DNAH10: variants seen among roughly 807,000 people sequenced by gnomAD.
The protein encoded by DNAH10 is axonemal beta dynein heavy chain 10.
DNAH10 carries 348 observed loss-of-function variants against 506.6 expected under a neutral mutation model. The observed-to-expected ratio is 0.69, with a 90% CI of 0.63 to 0.75. DNAH10 has a LOEUF of 0.75. Ranked by LOEUF, DNAH10 falls within the 30% of genes least tolerant of loss-of-function variation. DNAH10 has a pLI of 0.00. For synonymous variants in DNAH10, 2,059 were observed against 2,198.6 expected, an observed-to-expected ratio of 0.94 and a Z score of 1.78; for missense variants, 5,179 against 5,787.1, an observed-to-expected ratio of 0.89 and a Z score of 3.41.
chr12:123,784,161 T>C lies in DNAH10; in HGVS notation c.1214T>C (p.Val405Ala), dbSNP rs1957766837. 6.2e-7 allele frequency: 1 copy of C among 1,614,184 alleles called. No individual in the cohort carries two copies. The highest frequency in any genetic ancestry group is 1.1e-5 in the South Asian group (1 of 91,088). Residue 405 changes from valine (V) to alanine (A), a missense_variant, in exon 8 of 79, where the codon GTG (valine) becomes GCG (alanine). Val to Ala is a moderately conservative substitution (Grantham distance 64). This residue lies in a region of DNAH10 where 4,844 missense variants were observed against 5,430.5 expected (regional missense o/e 0.89). Transcript: ENST00000673944. ...ASDNVRFLST[V>A]ERYFKNITHG... ...GACAATGTGCGCTTTCTCTCCACCG[T>C]GGAGCGTTATTTCAAGGTATGCTGG...
chr12:123,893,349 G>C lies in DNAH10; in HGVS notation c.9112G>C (p.Val3038Leu). 1 of 1,614,046 alleles carries C rather than the reference G, an allele frequency of 6.2e-7. No homozygotes were observed. Among genetic ancestry groups the C allele is most frequent in the South Asian group, 1.1e-5 (1 of 91,088 alleles). ...PAKESVWQYF[V>L]NKSANNLHIV... ...CAAGGAGTCTGTGTGGCAGTACTTC[G>C]TGAACAAAAGTGCAAATAACCTGCA... The change falls in exon 53 of 79, where the codon GTG becomes CTG. Residue 3038 changes from valine to leucine, a missense_variant. Coordinates refer to ENST00000673944, the MANE Select transcript of DNAH10 (RefSeq NM_001372106.1).
intron 21 of DNAH10, among the ~76,000 whole-genome samples, chr12:123,818,246 C>G (rs926539433): frequency 5.9e-5 from 9 of 151,968 alleles, no homozygotes; most frequent in African/African-American, 2.2e-4. Flanking sequence ...TGCACCCAGC[C>G]TCTATCTCTT....
chr12:123,895,147 A>G (rs1490963756), intron 54 of DNAH10, among the ~76,000 whole-genome samples: 1 of 152,260 alleles, frequency 6.6e-6, no homozygotes, highest in Non-Finnish European at 1.5e-5. Context: ...CTTTGTAGAA[A>G]ACATGTGCTG....
intron 28 of DNAH10, among the ~76,000 whole-genome samples, chr12:123,837,757 A>AAT (rs1961326958): frequency 1.5e-5 from 2 of 135,232 alleles, no homozygotes; most frequent in African/African-American, 2.7e-5. Context: ...AAAAAAAAAA[A>AAT]TTTTTTTTTT....
At chr12:123,929,092 A>G in intron 70 of DNAH10, 183 bp from the exon 71 acceptor site, 1 of 638,422 alleles carries the variant, frequency 1.6e-6, no homozygotes, top group Non-Finnish European at 2.7e-6. Flanking sequence ...TGACCCTGAG[A>G]GCCAGAACAT....
rs1951096023 is a variant in DNAH10 at position 123,850,006 on chromosome 12, C to A, written c.6103-882C>A. Among the ~76,000 whole-genome samples the A allele has an allele frequency of 6.6e-6, 1 of 152,168 alleles. No homozygotes were observed. Among genetic ancestry groups the A allele is most frequent in the African/African-American group, 2.4e-5 (1 of 41,442 alleles). On this transcript the variant is annotated intron_variant, in intron 34 of 78. Coordinates refer to ENST00000673944, the MANE Select transcript of DNAH10 (RefSeq NM_001372106.1). The surrounding 1 kb of genome is among the most constrained non-coding windows in gnomAD (Gnocchi z 5.5). ...TGTGTTTCTCAGAGCCAGGAGGCAG[C>A]AGCTATCTGCTCTTCCCCCTGGGCC...
At chr12:123,906,004 G>A (rs1387989734) in intron 57 of DNAH10, among the ~76,000 whole-genome samples, 6 of 151,352 alleles carry the variant, frequency 4.0e-5, no homozygotes, top group Non-Finnish European at 8.8e-5. Context: ...TGCAACCTCC[G>A]CCTCCCGGGT....
At chr12:123,914,689 G>A (rs755372142) in intron 61 of DNAH10, 139 bp downstream of exon 61, 16 of 1,388,224 alleles carry the variant, frequency 1.2e-5, no homozygotes, top group Non-Finnish European at 1.4e-5. Flanking sequence ...GAAGTGGCCG[G>A]GCAAGCTGCA....
chr12:123,821,922 A>T (rs1217114392), intron 24 of DNAH10, among the ~76,000 whole-genome samples: 1 of 151,158 alleles, frequency 6.6e-6, no homozygotes, highest in Non-Finnish European at 1.5e-5. Context: ...ATACAAAAAA[A>T]AGTTCCGGGC....
intron 27 of DNAH10, 22 bp from the exon 28 acceptor site, chr12:123,835,384 C>G (rs746762429): frequency 1.2e-6 from 2 of 1,611,382 alleles, no homozygotes; most frequent in Admixed American, 1.7e-5. Context: ...CCTGCTGACA[C>G]TGACCTTTTG....
intron 5 of DNAH10, among the ~76,000 whole-genome samples, chr12:123,780,207 C>G (rs1289223249): frequency 6.8e-6 from 1 of 147,628 alleles, no homozygotes; most frequent in Non-Finnish European, 1.5e-5. Flanking sequence ...TGCTCTATCG[C>G]CCAGGTTGGA....
At chr12:123,830,745 A>T (rs773213904) in intron 26 of DNAH10, 46 bp downstream of exon 26, 4 of 1,532,346 alleles carry the variant, frequency 2.6e-6, no homozygotes, top group South Asian at 2.5e-5. Flanking sequence ...GTCTTTTTTT[A>T]ATTCAAAGAG....
chr12:123,763,119 C>G (rs527322801), intron 1 of DNAH10, among the ~76,000 whole-genome samples: 1 of 152,270 alleles, frequency 6.6e-6, no homozygotes. Flanking sequence ...AAGGCTAGGA[C>G]AAAGTTTAAA....
chr12:123,811,795 G>A (rs1194563301), intron 19 of DNAH10, among the ~76,000 whole-genome samples: 1 of 151,858 alleles, frequency 6.6e-6, no homozygotes, highest in Non-Finnish European at 1.5e-5. Context: ...GAGCCACTGC[G>A]CCTGGCCTAA....
Position 123,787,719 on chromosome 12 carries a change from C to T in DNAH10, c.1422-85C>T, listed in dbSNP as rs539648802. ...GGGGGGCGCCCGGGTCAGAGCTTCA[C>T]GGGACACTGGCTCCCCAGCCGGGGA... On this transcript the variant is annotated intron_variant, in intron 9 of 78. Transcript: ENST00000673944. The surrounding 1 kb of genome is among the most constrained non-coding windows in gnomAD (Gnocchi z 4.6). 5.9e-5 allele frequency: 89 copies of T among 1,514,848 alleles called. No homozygotes were observed. In the Middle Eastern group the frequency reaches 1.1e-3, roughly 19 times the overall value. The allele number at this position is 1,514,848 out of a possible 1,614,324, so 93.8% of individuals were successfully genotyped here. A position where few individuals can be genotyped will look rare whatever the true frequency, so the allele number is the denominator to read the frequency against.
intron 65 of DNAH10, among the ~76,000 whole-genome samples, chr12:123,921,733 A>T (rs1296991735): frequency 6.7e-5 from 4 of 59,832 alleles, no homozygotes; most frequent in Non-Finnish European, 8.8e-5. Flanking sequence ...TTTTTTTTTG[A>T]GACAGAATGT....
At chr12:123,782,301 T>C (rs901039784) in intron 6 of DNAH10, among the ~76,000 whole-genome samples, 34 of 144,770 alleles carry the variant, frequency 2.3e-4, no homozygotes, top group Non-Finnish European at 3.9e-4. Flanking sequence ...GCTTTCCTTT[T>C]GGAAATGTTC....
In DNAH10 at chr12:123,801,346, C is replaced by T. The variant is rs760322459; in HGVS notation, c.2528C>T (p.Ala843Val). 1.5e-5 allele frequency: 24 copies of T among 1,614,096 alleles called. No homozygotes were observed. Among genetic ancestry groups the T allele is most frequent in the East Asian group, 6.7e-5 (3 of 44,874 alleles). The change falls in exon 16 of 79, where the codon GCG becomes GTG. Residue 843 changes from alanine to valine, a missense_variant. Physicochemically the swap from Ala to Val is moderately conservative, Grantham distance 64. Around this residue, in one of 3 missense-constraint regions of DNAH10, gnomAD observed 4,844 missense variants for 5,430.5 expected, o/e 0.89. Coordinates refer to ENST00000673944, the MANE Select transcript of DNAH10 (RefSeq NM_001372106.1). ...YHMLIGTLNDAESVLLKDHSQ... is the reference protein window; with the variant it reads ...YHMLIGTLNDVESVLLKDHSQ... ...ATGCTCATAGGAACGTTAAACGATG[C>T]GGAGTCTGTGCTTCTCAAAGATCAT...
chr12:123,769,390 T>G (rs1957166375), intron 2 of DNAH10, among the ~76,000 whole-genome samples: 3 of 152,074 alleles, frequency 2.0e-5, no homozygotes, highest in Admixed American at 1.3e-4. Context: ...TTGGCCAGGC[T>G]GGTCTCAAAC....
Sources: allele counts gnomAD v4.1 joint callset (sites outside exome capture counted in the v4.1 genomes callset), GRCh38; gene constraint gnomAD v4.1.1; regional missense constraint gnomAD v4.1.1; non-coding constraint Gnocchi (gnomAD v3.1); transcripts MANE v1.5; gene names NCBI Gene and HGNC (gene_info 2026-07-23, HGNC 2026-07-21).